The following SEMA6D variants were observed in gnomAD, a reference collection of about 807,000 sequenced individuals.
SEMA6D encodes semaphorin-6D.
A neutral mutation model predicts 106.6 loss-of-function variants in SEMA6D; 35 were observed. That is an observed-to-expected ratio of 0.33 (90% CI 0.25 to 0.44). The LOEUF (loss-of-function observed/expected upper bound fraction) is 0.44. Among genes scored for constraint, SEMA6D ranks in the 20% least tolerant of loss-of-function variants. The pLI is 1.00. For synonymous variants in SEMA6D, 499 were observed against 487.7 expected (o/e 1.02, Z -0.31); for missense variants, 1,185 against 1,345.9 (o/e 0.88, Z 1.87).
chr15:47,746,984 G>GTATATATATATATATATATA lies in SEMA6D; in HGVS notation c.-54-12742_-54-12741insATATATATATATATATATAT, dbSNP rs3985864. On this transcript the variant is annotated intron_variant, in intron 1 of 18. Coordinates refer to ENST00000536845, the MANE Select transcript of SEMA6D (RefSeq NM_001358351.3). ...ACAGTCTCCTGCTGTGTGTGTGTGTGTATATATATATATATATATTTCGAT... is the reference window on the plus strand; with the variant it reads ...ACAGTCTCCTGCTGTGTGTGTGTGTGTATATATATATATATATATATATATATATATATATATATTTCGAT... 4.8e-3 allele frequency among the ~76,000 whole-genome samples: 581 copies of GTATATATATATATATATATA among 122,006 alleles called. 10 individuals carry two copies. The highest frequency in any genetic ancestry group is 9.4e-3 in the Middle Eastern group (2 of 212). 80.0% of individuals were successfully genotyped at this position (122,006 alleles called of 152,430 possible).
At chr15:47,655,799 G>A (rs1045211515) in intron 4 of SEMA6D, among the ~76,000 whole-genome samples, 1 of 152,208 alleles carries the variant, frequency 6.6e-6, no homozygotes, top group Non-Finnish European at 1.5e-5. Flanking sequence ...CACGGATTCA[G>A]TAGTTGGGAA....
chr15:47,535,602 G>A (rs532510200), intron 3 of SEMA6D, among the ~76,000 whole-genome samples: 2 of 151,822 alleles, frequency 1.3e-5, no homozygotes, highest in South Asian at 4.2e-4. Flanking sequence ...CAACAAATCA[G>A]GTAAGTTGAT....
At chr15:47,723,017 A>T (rs1348075525) in intron 1 of SEMA6D, among the ~76,000 whole-genome samples, 1 of 152,116 alleles carries the variant, frequency 6.6e-6, no homozygotes, top group Non-Finnish European at 1.5e-5. Flanking sequence ...CCGACATCTC[A>T]GCCCACTTTT....
At chr15:47,579,761 G>A (rs1046668528) in intron 3 of SEMA6D, among the ~76,000 whole-genome samples, 9 of 151,832 alleles carry the variant, frequency 5.9e-5, no homozygotes, top group East Asian at 1.9e-4. Context: ...ATAAATAATC[G>A]TAAATATATG....
intron 1 of SEMA6D, among the ~76,000 whole-genome samples, chr15:47,296,808 G>A (rs2035820355): frequency 6.6e-6 from 1 of 152,160 alleles, no homozygotes; most frequent in Admixed American, 6.5e-5. Flanking sequence ...TTTTCCATAT[G>A]AATATGTTTC....
intron 1 of SEMA6D, among the ~76,000 whole-genome samples, chr15:47,738,759 ATTTG>A (rs1249298428): frequency 6.6e-6 from 1 of 152,140 alleles, no homozygotes; most frequent in Admixed American, 6.5e-5. Context: ...TACCACGATC[ATTTG>A]TTTGGCCCCT....
intron 3 of SEMA6D, among the ~76,000 whole-genome samples, chr15:47,548,446 T>A (rs1333964300): frequency 6.6e-6 from 1 of 152,124 alleles, no homozygotes; most frequent in African/African-American, 2.4e-5. Flanking sequence ...AATGGGGAAG[T>A]ATACAAAGTG....
At chr15:47,375,472 A>G (rs559503704) in intron 1 of SEMA6D, among the ~76,000 whole-genome samples, 3 of 152,068 alleles carry the variant, frequency 2.0e-5, no homozygotes, top group Non-Finnish European at 2.9e-5. Context: ...TTTACATCAA[A>G]GAAAACTACT....
chr15:47,198,006 C>T (rs1216284520), intron 1 of SEMA6D, among the ~76,000 whole-genome samples: 2 of 152,128 alleles, frequency 1.3e-5, no homozygotes, highest in Non-Finnish European at 2.9e-5. Context: ...TTACCTGACA[C>T]ATGTAACATA....
chr15:47,243,412 A>G (rs1289107975), intron 1 of SEMA6D, among the ~76,000 whole-genome samples: 1 of 147,284 alleles, frequency 6.8e-6, no homozygotes, highest in Non-Finnish European at 1.5e-5. Flanking sequence ...TTTTCATAAT[A>G]CCATGCAGAA....
chr15:47,290,891 G>A (rs2035568320), intron 1 of SEMA6D, among the ~76,000 whole-genome samples: 1 of 152,174 alleles, frequency 6.6e-6, no homozygotes, highest in Non-Finnish European at 1.5e-5. Context: ...GAAATTTGTA[G>A]CCAGATAACA....
chr15:47,369,072 A>G (rs1180818830), intron 1 of SEMA6D, among the ~76,000 whole-genome samples: 9 of 152,224 alleles, frequency 5.9e-5, no homozygotes. Context: ...TAAAAGTTAA[A>G]ACAGGCAAAA....
chr15:47,462,935 G>A (rs2042557163), intron 2 of SEMA6D, among the ~76,000 whole-genome samples: 1 of 152,046 alleles, frequency 6.6e-6, no homozygotes, highest in East Asian at 1.9e-4. Flanking sequence ...TAGCAAAACA[G>A]ATGTCATTGA....
chr15:47,580,821 G>A (rs1044652482), intron 3 of SEMA6D, among the ~76,000 whole-genome samples: 1 of 152,172 alleles, frequency 6.6e-6, no homozygotes, highest in African/African-American at 2.4e-5. Context: ...TTGTTCCAGT[G>A]CAACTTATTA....
intron 2 of SEMA6D, among the ~76,000 whole-genome samples, chr15:47,430,420 G>A (rs982085994): frequency 1.3e-5 from 2 of 151,644 alleles, no homozygotes; most frequent in Non-Finnish European, 2.9e-5. Context: ...TCCTTCTTTG[G>A]CATCTTATCA....
In SEMA6D at chr15:47,227,502, CTTTG is replaced by C. The variant is rs1461401630; in HGVS notation, c.-239+43088_-239+43091del. ...TTTCTTTTTCTTTCTTTCTTTTTTTCTTTGTTTCTCTTCTTTTTCTTTCTTCCTC... is the reference window on the plus strand; with the variant it reads ...TTTCTTTTTCTTTCTTTCTTTTTTTCTTTCTCTTCTTTTTCTTTCTTCCTC... On this transcript the variant is annotated intron_variant, in intron 1 of 19. Coordinates refer to the SEMA6D transcript ENST00000558014. Among the ~76,000 whole-genome samples the C allele has an allele frequency of 4.4e-5, 5 of 113,642 alleles. No individual in the cohort carries two copies. The South Asian group carries it at 1.1e-3, about 26-fold the overall frequency. 74.6% of individuals were successfully genotyped at this position (113,642 alleles called of 152,430 possible).
intron 1 of SEMA6D, among the ~76,000 whole-genome samples, chr15:47,403,325 A>G: frequency 6.6e-6 from 1 of 152,198 alleles, no homozygotes; most frequent in East Asian, 1.9e-4. Context: ...GACCCCAGCA[A>G]TGACTGCCAT....
At chr15:47,220,729 TCA>T (rs2031118940) in intron 1 of SEMA6D, among the ~76,000 whole-genome samples, 1 of 152,246 alleles carries the variant, frequency 6.6e-6, no homozygotes, top group East Asian at 1.9e-4. Context: ...TTCTGGTCTC[TCA>T]CAGGTATTTG....
At chr15:47,384,014 T>C (rs953662053) in intron 1 of SEMA6D, among the ~76,000 whole-genome samples, 1 of 152,234 alleles carries the variant, frequency 6.6e-6, no homozygotes, top group Non-Finnish European at 1.5e-5. Context: ...GGCTCCGTTA[T>C]TGCTTATACC....
Sources: gnomAD v4.1 joint callset for allele counts (sites outside exome capture counted in the v4.1 genomes callset) on GRCh38, gnomAD v4.1.1 for gene constraint, MANE v1.5 for transcripts, NCBI Gene and HGNC (gene_info 2026-07-23, HGNC 2026-07-21) for gene names.